Variants in IMMT observed in about 807,000 individuals in gnomAD.
The protein encoded by IMMT is inner membrane mitochondrial protein.
In IMMT, 40 loss-of-function variants were observed where a neutral mutation model predicts 92.7. That is an observed-to-expected ratio of 0.43 (90% CI 0.34 to 0.56). IMMT has a LOEUF of 0.56. Ranked by LOEUF, IMMT falls within the 20% of genes least tolerant of loss-of-function variation. IMMT has a pLI of 0.03. For synonymous variants in IMMT, 322 were observed against 336.1 expected, an observed-to-expected ratio of 0.96 and a Z score of 0.46; for missense variants, 831 against 912.1, an observed-to-expected ratio of 0.91 and a Z score of 1.14.
chr2:86,174,940 C>G (rs968566483), intron 3 of IMMT, among the ~76,000 whole-genome samples: 1 of 152,144 alleles, frequency 6.6e-6, no homozygotes, highest in African/African-American at 2.4e-5. Flanking sequence ...AAATGAAAAG[C>G]ACCGTAGTGT....
At position 86,163,380 on chromosome 2, in the gene IMMT, T is replaced by G. The variant is rs1221386447; in HGVS notation, c.793-1301A>C. Among the ~76,000 whole-genome samples the G allele has an allele frequency of 4.6e-5, 7 of 152,200 alleles. No individual in the cohort carries two copies. The East Asian group carries it at 9.6e-4, about 21-fold the overall frequency. ...GTGGTAGAACTAATAAACACCCTATTTAGAAGTAGTGATGAGCACAGATAA... is the reference window on the plus strand; with the variant it reads ...GTGGTAGAACTAATAAACACCCTATGTAGAAGTAGTGATGAGCACAGATAA... On this transcript the variant is annotated intron_variant, in intron 7 of 14. Transcript: ENST00000410111.
chr2:86,179,074 AAAACAAAAAC>A (rs1200240581), intron 3 of IMMT, among the ~76,000 whole-genome samples: 16 of 152,086 alleles, frequency 1.1e-4, no homozygotes, highest in South Asian at 2.1e-4. Flanking sequence ...AACAAAAACA[AAAACAAAAAC>A]AAACAAAAAC....
At chr2:86,185,703 T>A (rs1408598253) in intron 1 of IMMT, among the ~76,000 whole-genome samples, 3 of 152,146 alleles carry the variant, frequency 2.0e-5, no homozygotes, top group Admixed American at 6.5e-5. Context: ...GAGAATTGTG[T>A]CAATAAAAAA....
At chr2:86,173,022 G>A (rs1677204410) in intron 4 of IMMT, among the ~76,000 whole-genome samples, 1 of 152,094 alleles carries the variant, frequency 6.6e-6, no homozygotes, top group African/African-American at 2.4e-5. Flanking sequence ...TTTTGTTCAT[G>A]GCTGTTTCCC....
intron 11 of IMMT, among the ~76,000 whole-genome samples, chr2:86,152,570 G>T (rs977208526): frequency 6.6e-6 from 1 of 151,726 alleles, no homozygotes; most frequent in Non-Finnish European, 1.5e-5. Context: ...AGACTAGTTT[G>T]GCCATCATGG....
chr2:86,144,226 C>T lies in IMMT; in HGVS notation c.*42G>A. 6.2e-7 allele frequency: 1 copy of T among 1,604,728 alleles called. No homozygotes were observed. Among genetic ancestry groups the T allele is most frequent in the Non-Finnish European group, 8.5e-7 (1 of 1,174,068 alleles). On this transcript the variant is annotated 3_prime_UTR_variant, in exon 15 of 15. Transcript: ENST00000410111. ...ACCCTTCATCTATCACTGCTGATTTCCTTTGACATGAAATATGACTTTATG... is the reference window on the plus strand; with the variant it reads ...ACCCTTCATCTATCACTGCTGATTTTCTTTGACATGAAATATGACTTTATG...
intron 12 of IMMT, 142 bp downstream of exon 12, chr2:86,151,155 G>A: frequency 1.5e-6 from 1 of 687,258 alleles, no homozygotes; most frequent in South Asian, 1.8e-5. Context: ...TGACCACAAG[G>A]GATCCACCCA....
chr2:86,185,128 C>T (rs12151585), intron 1 of IMMT, among the ~76,000 whole-genome samples: 69,675 of 151,284 alleles, frequency 0.46, 16,571 homozygotes, highest in Non-Finnish European at 0.51. Flanking sequence ...TGCAGTGAGC[C>T]GAGATTGCGC....
At chr2:86,152,860 T>C (rs1326854227) in intron 11 of IMMT, among the ~76,000 whole-genome samples, 1 of 152,182 alleles carries the variant, frequency 6.6e-6, no homozygotes, top group Non-Finnish European at 1.5e-5. Context: ...TAGGAAATTC[T>C]ATATGACTAA....
intron 12 of IMMT, among the ~76,000 whole-genome samples, chr2:86,148,888 T>G (rs1675251530): frequency 3.9e-5 from 6 of 152,160 alleles, no homozygotes; most frequent in Admixed American, 3.9e-4. Context: ...ATTTATGAAG[T>G]GCTACTAGCC....
chr2:86,171,082 C>A, intron 5 of IMMT, 126 bp downstream of exon 5: 1 of 905,396 alleles, frequency 1.1e-6, no homozygotes, highest in Non-Finnish European at 1.6e-6. Context: ...TTAAAAATTT[C>A]CTAAGAAACT....
Position 86,173,632 on chromosome 2 carries a change from G to C in IMMT, c.421+18C>G. Reference sequence around the variant, plus strand: ...GATTTACCTATAATTTTAAAAAGATGGTTCAAAATATAAGTACCTGTTGCT... The same window carrying C: ...GATTTACCTATAATTTTAAAAAGATCGTTCAAAATATAAGTACCTGTTGCT... On this transcript the variant is annotated intron_variant, in intron 4 of 14. Coordinates refer to ENST00000410111, the MANE Select transcript of IMMT (RefSeq NM_006839.3). 7.6e-7 allele frequency: 1 copy of C among 1,319,984 alleles called. No homozygotes were observed. The highest frequency in any genetic ancestry group is 1.1e-6 in the Non-Finnish European group (1 of 922,364). 81.8% of individuals were successfully genotyped at this position (1,319,984 alleles called of 1,614,324 possible).
chr2:86,175,148 T>TTAAAGTAGCAGTA (rs1677344190), intron 3 of IMMT, among the ~76,000 whole-genome samples: 1 of 152,178 alleles, frequency 6.6e-6, no homozygotes, highest in Non-Finnish European at 1.5e-5. Context: ...CCTTATTTTA[T>TTAAAGTAGCAGTA]TAAAGTAGCA....
At chr2:86,164,129 C>T (rs1276403232) in intron 7 of IMMT, among the ~76,000 whole-genome samples, 1 of 125,552 alleles carries the variant, frequency 8.0e-6, no homozygotes, top group Non-Finnish European at 1.6e-5. Flanking sequence ...TCGATCTTGG[C>T]TCACCACAAC....
At chr2:86,147,671 G>C (rs762984314) in intron 13 of IMMT, 31 bp downstream of exon 13, 1 of 1,598,206 alleles carries the variant, frequency 6.3e-7, no homozygotes, top group South Asian at 1.1e-5. Flanking sequence ...TCAGGAAGAG[G>C]GGTGTGGCTG....
chr2:86,171,501 G>A, intron 4 of IMMT, 156 bp from the exon 5 acceptor site: 1 of 689,000 alleles, frequency 1.5e-6, no homozygotes, highest in Non-Finnish European at 2.6e-6. Flanking sequence ...ACAAACAGGG[G>A]CACTGTCCAC....
intron 3 of IMMT, among the ~76,000 whole-genome samples, chr2:86,179,191 T>C (rs1187448920): frequency 6.6e-6 from 1 of 152,230 alleles, no homozygotes; most frequent in African/African-American, 2.4e-5. Context: ...ATTTACAATG[T>C]ATTAGATATT....
chr2:86,164,218 C>T lies in IMMT; in HGVS notation c.793-2139G>A, dbSNP rs559247070. 1.5e-3 allele frequency among the ~76,000 whole-genome samples: 232 copies of T among 151,092 alleles called. 2 individuals are homozygous for T. Among genetic ancestry groups the T allele is most frequent in the African/African-American group, 5.4e-3 (224 of 41,332 alleles). ...GATTACAGGCATGGGCCACCATGCC[C>T]AGCTAATTTTATATTTTTAGTAGAA... On this transcript the variant is annotated intron_variant, in intron 7 of 14. Transcript: ENST00000410111.
rs1464825301 is a variant in IMMT, at chr2:86,181,392, C to G, written c.46-20G>C. On this transcript the variant is annotated intron_variant, in intron 1 of 14. Transcript: ENST00000410111. The stretch of plus-strand genomic sequence containing the variant: ...ACAACTCTAAAGAAGGAAAACACAT[C>G]ACAACCAATACAGTTAAAGGAAACT... 1 of 1,577,210 alleles carries G rather than the reference C, an allele frequency of 6.3e-7. No homozygotes were observed. The highest frequency in any genetic ancestry group is 1.7e-5 in the Admixed American group (1 of 59,922).
Sources: gnomAD v4.1 joint callset for allele counts (sites outside exome capture counted in the v4.1 genomes callset) on GRCh38, gnomAD v4.1.1 for gene constraint, MANE v1.5 for transcripts, NCBI Gene and HGNC (gene_info 2026-07-23, HGNC 2026-07-21) for gene names.